The following SMARCC2 variants were observed in gnomAD, a reference collection of about 807,000 sequenced individuals.
SMARCC2 encodes the protein SWI/SNF complex subunit SMARCC2.
SMARCC2 carries 15 observed loss-of-function variants against 151.3 expected under a neutral mutation model. The ratio of observed to expected loss-of-function variants is 0.10; its 90% CI spans 0.07 to 0.15. The LOEUF (loss-of-function observed/expected upper bound fraction) is 0.15. Among genes scored for constraint, SMARCC2 ranks in the 10% least tolerant of loss-of-function variants. The pLI is 1.00. For synonymous variants in SMARCC2, 590 were observed against 609.5 expected, an observed-to-expected ratio of 0.97 and a Z score of 0.47; for missense variants, 1,031 against 1,599.7, an observed-to-expected ratio of 0.64 and a Z score of 6.06.
At position 56,163,570 on chromosome 12, in the gene SMARCC2, C is replaced by CTTTCCTTACGTAGTGG. The variant is rs1209827594; in HGVS notation, c.*118_*119insCCACTACGTAAGGAAA. 3.8e-6 allele frequency: 2 copies of CTTTCCTTACGTAGTGG among 528,550 alleles called. No individual in the cohort carries two copies. The highest frequency in any genetic ancestry group is 6.6e-6 in the Non-Finnish European group (2 of 304,714). 32.7% of individuals were successfully genotyped at this position (528,550 alleles called of 1,614,324 possible). On this transcript the variant is annotated 3_prime_UTR_variant, in exon 29 of 29. Coordinates refer to ENST00000550164, the MANE Select transcript of SMARCC2 (RefSeq NM_001330288.2). The stretch of plus-strand genomic sequence containing the variant: ...GAGGGCTTTGGAGGGGCGGAAGGAG[C>CTTTCCTTACGTAGTGG]TTTCCTTACGTAGTGATGAACTCTC...
rs368029303 is a variant in SMARCC2, at chr12:56,163,657, G to T, written c.*32C>A. Reference sequence around the variant, plus strand: ...GTTCCTGGAACCGTGATGTCCACAGGGGGTGAGGGGGAGAGATGTCTGGCT... The same window carrying T: ...GTTCCTGGAACCGTGATGTCCACAGTGGGTGAGGGGGAGAGATGTCTGGCT... On this transcript the variant is annotated 3_prime_UTR_variant, in exon 29 of 29. Coordinates refer to ENST00000550164, the MANE Select transcript of SMARCC2 (RefSeq NM_001330288.2). 6.7e-6 allele frequency: 9 copies of T among 1,338,472 alleles called. No individual in the cohort carries two copies. In the Admixed American group the frequency reaches 8.3e-5, roughly 12 times the overall value. 82.9% of individuals were successfully genotyped at this position (1,338,472 alleles called of 1,614,324 possible). A position where few individuals can be genotyped will look rare whatever the true frequency, so the allele number is the denominator to read the frequency against.
At chr12:56,177,854 A>T (rs1189675766) in intron 15 of SMARCC2, among the ~76,000 whole-genome samples, 168 bp downstream of exon 15, 1 of 152,250 alleles carries the variant, frequency 6.6e-6, no homozygotes, top group Non-Finnish European at 1.5e-5. Context: ...TCTACATGCT[A>T]GGCCAGGGCT....
intron 11 of SMARCC2, 81 bp from the exon 12 acceptor site, chr12:56,179,137 T>C (rs1875623261): frequency 1.6e-6 from 2 of 1,273,812 alleles, no homozygotes; most frequent in Non-Finnish European, 2.3e-6. Context: ...ACATCCTACT[T>C]TCTCCAAAAA....
intron 20 of SMARCC2, 108 bp from the exon 21 acceptor site, chr12:56,172,045 G>A: frequency 1.0e-6 from 1 of 995,534 alleles, no homozygotes; most frequent in Non-Finnish European, 1.5e-6. Flanking sequence ...TCTATGTTCT[G>A]GTATTTGTGT....
chr12:56,164,476 G>T lies in SMARCC2; in HGVS notation c.3488C>A (p.Pro1163Gln), dbSNP rs528782426. ...HLPFAPGTLP[P>Q]PNLPVSMANP... ...CGCCATGGACACAGGCAGGTTAGGT[G>T]GGGGGAGAGTGCCCGGGGCGAACGG... is the stretch of plus-strand genomic sequence containing the variant. Residue 1163 changes from proline (P) to glutamine (Q), a missense_variant, in exon 28 of 29, where the codon CCA (proline) becomes CAA (glutamine). This residue lies in a region of SMARCC2 where 310 missense variants were observed against 350.0 expected (regional missense o/e 0.89). Coordinates refer to ENST00000550164, the MANE Select transcript of SMARCC2 (RefSeq NM_001330288.2). The T allele has an allele frequency of 4.3e-6, 7 of 1,614,156 alleles. No homozygotes were observed. The highest frequency in any genetic ancestry group is 1.7e-5 in the Admixed American group (1 of 60,024).
In SMARCC2 at chr12:56,174,742, T is replaced by C; in HGVS notation, c.1405A>G (p.Met469Val). 6.2e-7 allele frequency: 1 copy of C among 1,612,940 alleles called. No individual in the cohort carries two copies. Among genetic ancestry groups the C allele is most frequent in the Non-Finnish European group, 8.5e-7 (1 of 1,179,252 alleles). The change falls in exon 16 of 29, where the codon ATG becomes GTG. Residue 469 changes from methionine (M) to valine (V), a missense_variant. Met to Val is a conservative substitution (Grantham distance 21). This residue lies in a region of SMARCC2 where 51 missense variants were observed against 135.1 expected (regional missense o/e 0.38). Coordinates refer to ENST00000550164, the MANE Select transcript of SMARCC2 (RefSeq NM_001330288.2). ...PEIYLAYRNF[M>V]IDTYRLNPQE... is the part of the protein sequence containing the mutation. ...GGGTTCAGTCGGTAAGTGTCAATCA[T>C]AAAGTTTCGATAGGCCAGGTAGCTT...
At chr12:56,188,899 T>A (rs1287799599) in intron 1 of SMARCC2, among the ~76,000 whole-genome samples, 2 of 151,878 alleles carry the variant, frequency 1.3e-5, no homozygotes, top group Non-Finnish European at 2.9e-5. Context: ...CTTTCCATTC[T>A]CTCTCTCTGA....
chr12:56,179,647 A>G (rs1875731270), intron 11 of SMARCC2, among the ~76,000 whole-genome samples: 1 of 152,236 alleles, frequency 6.6e-6, no homozygotes, highest in Admixed American at 6.5e-5. Context: ...AAGATGATCC[A>G]CTGCAACTCA....
rs1873849771 is a variant in SMARCC2 at position 56,171,030 on chromosome 12, C to T, written c.2347+241G>A. Among the ~76,000 whole-genome samples the T allele has an allele frequency of 6.6e-6, 1 of 152,190 alleles. No individual in the cohort carries two copies. The highest frequency in any genetic ancestry group is 6.5e-5 in the Admixed American group (1 of 15,272). ...ACAGGCATGAGCCACTGCGCCCGGC[C>T]TTCACAAGACTTTTCTAACAGCCCC... On this transcript the variant is annotated intron_variant, in intron 22 of 28. Coordinates refer to ENST00000550164, the MANE Select transcript of SMARCC2 (RefSeq NM_001330288.2). This position sits in a 1 kb window ranked among gnomAD's most constrained non-coding sequence, Gnocchi z 4.2.
At chr12:56,187,497 GC>G (rs955237393) in intron 1 of SMARCC2, among the ~76,000 whole-genome samples, 191 bp from the exon 2 acceptor site, 2 of 152,174 alleles carry the variant, frequency 1.3e-5, no homozygotes, top group African/African-American at 4.8e-5. Context: ...CTGAAATTCT[GC>G]TGCCACCAGC....
In SMARCC2 at chr12:56,172,843, G is replaced by A. The variant is rs1874212807; in HGVS notation, c.1743+94C>T. ...GGGTGGGACTTCCTCCCTTACTGCT[G>A]TAGTTCCTCTGCTCTCATGTCTCTT... On this transcript the variant is annotated intron_variant, in intron 18 of 28. Coordinates refer to ENST00000550164, the MANE Select transcript of SMARCC2 (RefSeq NM_001330288.2). 8 of 1,560,534 alleles carry A rather than the reference G, an allele frequency of 5.1e-6. No individual in the cohort carries two copies. The Admixed American group carries it at 6.7e-5, about 13-fold the overall frequency.
chr12:56,178,644 G>T, intron 13 of SMARCC2, 110 bp from the exon 14 acceptor site: 1 of 1,518,560 alleles, frequency 6.6e-7, no homozygotes, highest in Non-Finnish European at 9.1e-7. Context: ...TGATGGGACT[G>T]AGCAGTCATG....
chr12:56,169,968 A>C, intron 23 of SMARCC2, 57 bp from the exon 24 acceptor site: 2 of 1,547,774 alleles, frequency 1.3e-6, no homozygotes, highest in Non-Finnish European at 1.8e-6. Flanking sequence ...ATTAGTTCTC[A>C]CACAGAGGGG....
Position 56,169,847 on chromosome 12 carries a change from T to C in SMARCC2, c.2477A>G (p.Lys826Arg). The C allele has an allele frequency of 6.2e-7, 1 of 1,614,092 alleles. No homozygotes were observed. Among genetic ancestry groups the C allele is most frequent in the Non-Finnish European group, 8.5e-7 (1 of 1,180,006 alleles). Reference protein sequence around the residue: ...EAKEKTSEAPKKDEEKGKEGD... With the variant: ...EAKEKTSEAPRKDEEKGKEGD... ...TTCTTTCCCTTTCTCCTCATCCTTCTTGGGAGCCTCGCTGGTTTTCTCTTT... is the reference window on the plus strand; with the variant it reads ...TTCTTTCCCTTTCTCCTCATCCTTCCTGGGAGCCTCGCTGGTTTTCTCTTT... The change falls in exon 24 of 29, where the codon AAG becomes AGG. Residue 826 changes from lysine (K) to arginine (R), a missense_variant. Around this residue, in one of 12 missense-constraint regions of SMARCC2, gnomAD observed 119 missense variants for 184.2 expected, o/e 0.65. Transcript: ENST00000550164.
rs57344405 is a variant in SMARCC2, at chr12:56,167,889, A to AACACACACACACACACACACAC, written c.2850+149_2850+170dup. Among the ~76,000 whole-genome samples the AACACACACACACACACACACAC allele has an allele frequency of 1.4e-3, 189 of 132,626 alleles. 3 individuals carry two copies. The highest frequency in any genetic ancestry group is 5.2e-3 in the African/African-American group (180 of 34,322). 87.0% of individuals were successfully genotyped at this position (132,626 alleles called of 152,430 possible). The stretch of plus-strand genomic sequence containing the variant: ...CCCACTGTTGCTTATCTTTCACTGA[A>AACACACACACACACACACACAC]ACACACACACACACACACACACTCA... On this transcript the variant is annotated intron_variant, in intron 26 of 28. Transcript: ENST00000550164.
At chr12:56,185,494 CTT>C (rs1877075561) in intron 3 of SMARCC2, 1 of 186,962 alleles carries the variant, frequency 5.3e-6, no homozygotes, top group Non-Finnish European at 1.0e-5. Flanking sequence ...TTTTTTTTTT[CTT>C]GAGAGGGAGT....
rs776531368 is a variant in SMARCC2, at chr12:56,164,381, C to T, written c.3583G>A (p.Gly1195Arg). 21 of 1,613,760 alleles carry T rather than the reference C, an allele frequency of 1.3e-5. No homozygotes were observed. The South Asian group carries it at 1.9e-4, about 14-fold the overall frequency. ...GCAGGGCTTTGGGCTGCGGCGGATCCGAGCCCCGGCCCGAGAGGCAAGGAA... is the reference window on the plus strand; with the variant it reads ...GCAGGGCTTTGGGCTGCGGCGGATCTGAGCCCCGGCCCGAGAGGCAAGGAA... Reference protein sequence around the residue: ...PSSLPLGPGLGSAAAQSPAIV... With the variant: ...PSSLPLGPGLRSAAAQSPAIV... The change falls in exon 28 of 29, where the codon GGA becomes AGA. Residue 1195 changes from glycine to arginine, a missense_variant. This residue lies in a region of SMARCC2 where 310 missense variants were observed against 350.0 expected (regional missense o/e 0.89). Transcript: ENST00000550164.
intron 9 of SMARCC2, 27 bp from the exon 10 acceptor site, chr12:56,181,624 G>T: frequency 6.2e-7 from 1 of 1,608,174 alleles, no homozygotes; most frequent in South Asian, 1.1e-5. Flanking sequence ...CAGGACAAAT[G>T]TCAGCCTACA....
At position 56,162,383 on chromosome 12, in the gene SMARCC2, T is replaced by TAAAAAA; in HGVS notation, c.*1300_*1305dup. 1 of 459,382 alleles carries TAAAAAA rather than the reference T, an allele frequency of 2.2e-6. No homozygotes were observed. The highest frequency in any genetic ancestry group is 3.8e-6 in the Non-Finnish European group (1 of 263,776). 28.5% of individuals were successfully genotyped at this position (459,382 alleles called of 1,614,324 possible). A position where few individuals can be genotyped will look rare whatever the true frequency, so the allele number is the denominator to read the frequency against. ...ATGGAACTGAAAGCAAATTAATTTATAAAAAAAAAAAAAAGAAAGAAAGAA... is the reference window on the plus strand; with the variant it reads ...ATGGAACTGAAAGCAAATTAATTTATAAAAAAAAAAAAAAAAAAAAGAAAGAAAGAA... On this transcript the variant is annotated 3_prime_UTR_variant, in exon 29 of 29. Coordinates refer to ENST00000550164, the MANE Select transcript of SMARCC2 (RefSeq NM_001330288.2).
Sources: allele counts gnomAD v4.1 joint callset (sites outside exome capture counted in the v4.1 genomes callset), GRCh38; gene constraint gnomAD v4.1.1; regional missense constraint gnomAD v4.1.1; non-coding constraint Gnocchi (gnomAD v3.1); transcripts MANE v1.5; gene names NCBI Gene and HGNC (gene_info 2026-07-23, HGNC 2026-07-21).